The following HDAC4 variants were observed in gnomAD, a reference collection of about 807,000 sequenced individuals.
The protein encoded by HDAC4 is histone deacetylase A.
A neutral mutation model predicts 135.1 loss-of-function variants in HDAC4; 16 were observed. The observed-to-expected ratio is 0.12, with a 90% CI of 0.08 to 0.18. HDAC4 has a LOEUF of 0.18. Among genes scored for constraint, HDAC4 ranks in the 10% least tolerant of loss-of-function variants. The pLI, the probability that HDAC4 is intolerant of heterozygous loss-of-function variation, is 1.00. For missense variants in HDAC4, 1,143 were observed against 1,511.8 expected, an observed-to-expected ratio of 0.76 and a Z score of 4.05; for synonymous variants, 685 against 653.4, an observed-to-expected ratio of 1.05 and a Z score of -0.74.
chr2:239,318,127 T>C (rs2053180832), intron 2 of HDAC4, among the ~76,000 whole-genome samples: 2 of 151,582 alleles, frequency 1.3e-5, no homozygotes, highest in South Asian at 2.1e-4. Context: ...GCTCGGGGAG[T>C]AGCAGGCTGT....
intron 3 of HDAC4, among the ~76,000 whole-genome samples, chr2:239,190,287 G>A (rs1210591265): frequency 6.6e-6 from 1 of 151,978 alleles, no homozygotes; most frequent in Non-Finnish European, 1.5e-5. Context: ...ATTCCTCAAG[G>A]GCAAAAACCA....
chr2:239,104,580 A>ACAGG (rs1375393243), intron 15 of HDAC4, among the ~76,000 whole-genome samples: 1 of 152,354 alleles, frequency 6.6e-6, no homozygotes, highest in East Asian at 1.9e-4. Context: ...GTGTACAGGC[A>ACAGG]CAGGCAGCTG....
At chr2:239,087,500 TA>T in intron 19 of HDAC4, 58 bp downstream of exon 19, 1 of 1,541,646 alleles carries the variant, frequency 6.5e-7, no homozygotes, top group Non-Finnish European at 8.9e-7. Flanking sequence ...CACCCAGCCC[TA>T]AGGGAGGGAA....
chr2:239,101,078 T>C (rs2037573718), intron 16 of HDAC4, among the ~76,000 whole-genome samples: 1 of 152,108 alleles, frequency 6.6e-6, no homozygotes, highest in East Asian at 1.9e-4. Context: ...TCGGTGGCCC[T>C]TGTCCCCGGC....
intron 2 of HDAC4, among the ~76,000 whole-genome samples, chr2:239,244,898 C>T (rs945537575): frequency 1.3e-5 from 2 of 152,176 alleles, no homozygotes; most frequent in African/African-American, 4.8e-5. Context: ...ACCCAACCGG[C>T]CCTCCCTGGG....
intron 5 of HDAC4, among the ~76,000 whole-genome samples, chr2:239,172,753 CA>C (rs1244749904): frequency 2.6e-5 from 4 of 151,884 alleles, no homozygotes; most frequent in African/African-American, 7.3e-5. Context: ...CCAAGAAAAA[CA>C]AAAGCAAAAC....
intron 21 of HDAC4, among the ~76,000 whole-genome samples, chr2:239,081,851 C>T (rs1239005019): frequency 4.6e-5 from 7 of 152,242 alleles, no homozygotes; most frequent in Non-Finnish European, 8.8e-5. Flanking sequence ...TCACAAACAC[C>T]TCTGTCTGCC....
rs1382924012 is a variant in HDAC4 at position 239,050,242 on chromosome 2, T to G, written c.*2855A>C. ...GTCTCCATTTGAATGAGATTAGAAT[T>G]AAGTCCCCCCACTGATAACCTGGCC... is the stretch of plus-strand genomic sequence containing the variant. On this transcript the variant is annotated 3_prime_UTR_variant, in exon 27 of 27. Coordinates refer to ENST00000543185, the MANE Select transcript of HDAC4 (RefSeq NM_001378414.1). 1 of 152,030 alleles carries G rather than the reference T, an allele frequency of 6.6e-6. No homozygotes were observed. Among genetic ancestry groups the G allele is most frequent in the Non-Finnish European group, 1.5e-5 (1 of 67,996 alleles). 9.4% of individuals were successfully genotyped at this position (152,030 alleles called of 1,614,324 possible). A position where few individuals can be genotyped will look rare whatever the true frequency, so the allele number is the denominator to read the frequency against.
At chr2:239,333,706 T>C (rs1194069661) in intron 2 of HDAC4, among the ~76,000 whole-genome samples, 2 of 152,184 alleles carry the variant, frequency 1.3e-5, no homozygotes, top group African/African-American at 4.8e-5. Flanking sequence ...AAATACCATT[T>C]TTTGTAGATG....
At chr2:239,097,302 C>T (rs967487265) in intron 16 of HDAC4, among the ~76,000 whole-genome samples, 4 of 152,238 alleles carry the variant, frequency 2.6e-5, no homozygotes, top group African/African-American at 7.2e-5. Flanking sequence ...AGGCATGCCT[C>T]GGCCTCTGGG....
At chr2:239,255,604 T>G (rs56946735) in intron 2 of HDAC4, among the ~76,000 whole-genome samples, 3,271 of 152,296 alleles carry the variant, frequency 0.021, 121 homozygotes, top group African/African-American at 0.075. Flanking sequence ...CCAAAACACT[T>G]GACACGCCAA....
intron 3 of HDAC4, among the ~76,000 whole-genome samples, chr2:239,208,130 G>A (rs1456261374): frequency 6.6e-6 from 1 of 151,626 alleles, no homozygotes; most frequent in Non-Finnish European, 1.5e-5. Flanking sequence ...AGACCATCCT[G>A]GCTAACACGG....
intron 13 of HDAC4, among the ~76,000 whole-genome samples, chr2:239,112,558 G>A (rs374296866): frequency 6.6e-6 from 1 of 152,168 alleles, no homozygotes; most frequent in Admixed American, 6.5e-5. Flanking sequence ...CTGTGTGTGG[G>A]GGGGGCACTC....
chr2:239,100,395 A>G (rs1486487265), intron 16 of HDAC4, among the ~76,000 whole-genome samples: 1 of 152,074 alleles, frequency 6.6e-6, no homozygotes, highest in African/African-American at 2.4e-5. Context: ...CAGGTGTTTA[A>G]TTTTTGTCTT....
At chr2:239,283,208 G>A (rs1285538456) in intron 2 of HDAC4, among the ~76,000 whole-genome samples, 2 of 152,256 alleles carry the variant, frequency 1.3e-5, no homozygotes, top group African/African-American at 2.4e-5. Flanking sequence ...GGCCCGCAGA[G>A]GACTATGAGG....
chr2:239,253,832 G>A (rs929882571), intron 2 of HDAC4, among the ~76,000 whole-genome samples: 2 of 152,180 alleles, frequency 1.3e-5, no homozygotes, highest in Non-Finnish European at 2.9e-5. Flanking sequence ...ACTGGAGACA[G>A]GCACCAGGGA....
intron 1 of HDAC4, among the ~76,000 whole-genome samples, chr2:239,375,156 G>T (rs1430377300): frequency 1.3e-5 from 2 of 152,204 alleles, no homozygotes; most frequent in Non-Finnish European, 2.9e-5. Context: ...TTGGGAACCA[G>T]GCAGCAGGAA....
At chr2:239,264,900 A>T (rs1042356666) in intron 2 of HDAC4, among the ~76,000 whole-genome samples, 2 of 152,178 alleles carry the variant, frequency 1.3e-5, no homozygotes, top group African/African-American at 2.4e-5. Context: ...GAGGTGTGGC[A>T]ATGGGCTTTC....
chr2:239,343,866 G>GTTTCCTC (rs1692454244), intron 2 of HDAC4, among the ~76,000 whole-genome samples: 2 of 142,040 alleles, frequency 1.4e-5, no homozygotes, highest in Admixed American at 1.3e-4. Context: ...CTAAGCACTC[G>GTTTCCTC]ATAGCAGTAA....
Sources: allele counts gnomAD v4.1 joint callset (sites outside exome capture counted in the v4.1 genomes callset), GRCh38; gene constraint gnomAD v4.1.1; transcripts MANE v1.5; gene names NCBI Gene and HGNC (gene_info 2026-07-23, HGNC 2026-07-21).